Variants in CADM2 observed in about 807,000 individuals in gnomAD.
The protein encoded by CADM2 is immunoglobulin superfamily member 4D.
In CADM2, 12 loss-of-function variants were observed where a neutral mutation model predicts 49.8. The ratio of observed to expected loss-of-function variants is 0.24; its 90% CI spans 0.15 to 0.39. The LOEUF (loss-of-function observed/expected upper bound fraction) is 0.39, where lower values mean the gene tolerates loss of function less well. CADM2 is among the 10% of genes least tolerant of loss of function. CADM2 has a pLI of 1.00. For synonymous variants in CADM2, 214 were observed against 175.4 expected (o/e 1.22, Z -1.74); for missense variants, 378 against 492.3 (o/e 0.77, Z 2.20).
At chr3:85,045,198 G>A (rs949468896) in intron 1 of CADM2, among the ~76,000 whole-genome samples, 2 of 152,116 alleles carry the variant, frequency 1.3e-5, no homozygotes, top group African/African-American at 4.8e-5. Context: ...AAATCCTGAA[G>A]CTGAATATGC....
At chr3:85,025,513 A>G (rs2034685979) in intron 1 of CADM2, among the ~76,000 whole-genome samples, 1 of 152,208 alleles carries the variant, frequency 6.6e-6, no homozygotes, top group African/African-American at 2.4e-5. Flanking sequence ...AAACTATATT[A>G]CATTCAACTG....
chr3:86,056,160 T>C (rs892463745), intron 8 of CADM2, among the ~76,000 whole-genome samples: 5 of 152,208 alleles, frequency 3.3e-5, no homozygotes, highest in Non-Finnish European at 7.3e-5. Flanking sequence ...TCTCTCACTT[T>C]ATGAATGTCA....
At chr3:85,081,466 A>G (rs1220420776) in intron 1 of CADM2, among the ~76,000 whole-genome samples, 6 of 152,208 alleles carry the variant, frequency 3.9e-5, no homozygotes, top group Admixed American at 6.6e-5. Context: ...GTTTATACCA[A>G]GTATAAGATT....
intron 1 of CADM2, among the ~76,000 whole-genome samples, chr3:85,384,238 TC>T (rs1158773613): frequency 2.0e-5 from 3 of 152,210 alleles, no homozygotes; most frequent in Non-Finnish European, 4.4e-5. Flanking sequence ...TATCCATATA[TC>T]TTATAGAATG....
intron 3 of CADM2, among the ~76,000 whole-genome samples, chr3:85,844,078 T>C (rs1219845909): frequency 1.3e-5 from 2 of 152,128 alleles, no homozygotes; most frequent in African/African-American, 2.4e-5. Context: ...TTCTAAGCTT[T>C]AGTTTTCTCA....
intron 1 of CADM2, among the ~76,000 whole-genome samples, chr3:85,659,590 C>A (rs2065335696): frequency 6.6e-6 from 1 of 152,240 alleles, no homozygotes; most frequent in African/African-American, 2.4e-5. Flanking sequence ...GATCTCCTTT[C>A]ATTCAGAATT....
At chr3:84,960,720 G>A (rs2030429043) in intron 1 of CADM2, among the ~76,000 whole-genome samples, 1 of 152,144 alleles carries the variant, frequency 6.6e-6, no homozygotes, top group Admixed American at 6.5e-5. Context: ...AGGAATCTGG[G>A]TTCACTTTTC....
intron 1 of CADM2, among the ~76,000 whole-genome samples, chr3:85,652,620 T>G (rs544661043): frequency 1.3e-5 from 2 of 152,024 alleles, no homozygotes; most frequent in East Asian, 3.9e-4. Flanking sequence ...GGTCATGGAA[T>G]AGCAAAGAGA....
At chr3:85,395,628 T>C (rs1247394873) in intron 1 of CADM2, among the ~76,000 whole-genome samples, 2 of 152,066 alleles carry the variant, frequency 1.3e-5, no homozygotes, top group Non-Finnish European at 2.9e-5. Context: ...TGGGAATATA[T>C]AAACTGTTCA....
chr3:85,971,208 C>T (rs1213447869), intron 8 of CADM2, among the ~76,000 whole-genome samples: 1 of 151,464 alleles, frequency 6.6e-6, no homozygotes, highest in Admixed American at 6.6e-5. Flanking sequence ...GAATCTGAAC[C>T]AACGCCCTTA....
chr3:85,939,897 A>C (rs1372585644), intron 7 of CADM2, among the ~76,000 whole-genome samples: 1 of 150,452 alleles, frequency 6.6e-6, no homozygotes, highest in African/African-American at 2.5e-5. Context: ...ACTATATAGC[A>C]ACTAGTGAGG....
At chr3:85,848,724 ACC>A (rs1418243599) in intron 3 of CADM2, among the ~76,000 whole-genome samples, 1 of 152,148 alleles carries the variant, frequency 6.6e-6, no homozygotes, top group Non-Finnish European at 1.5e-5. Flanking sequence ...TTTTCCCTGA[ACC>A]CGAATTTAAG....
At chr3:85,448,943 T>A (rs113780408) in intron 1 of CADM2, among the ~76,000 whole-genome samples, 2,987 of 151,122 alleles carry the variant, frequency 0.02, 86 homozygotes, top group African/African-American at 0.067. Context: ...CCAGCTACGT[T>A]GGTGGCTGAG....
chr3:85,860,312 A>G (rs1158428015), intron 3 of CADM2, among the ~76,000 whole-genome samples: 3 of 152,192 alleles, frequency 2.0e-5, no homozygotes, highest in South Asian at 4.1e-4. Flanking sequence ...CATGGAGGCT[A>G]CAGACTATTG....
intron 1 of CADM2, among the ~76,000 whole-genome samples, chr3:85,531,077 A>C (rs1230650774): frequency 6.6e-6 from 1 of 152,238 alleles, no homozygotes; most frequent in South Asian, 2.1e-4. Flanking sequence ...GTTTCCATTC[A>C]CGACTTAGCA....
At chr3:85,181,771 CTTA>C (rs1313655845) in intron 1 of CADM2, among the ~76,000 whole-genome samples, 1 of 150,686 alleles carries the variant, frequency 6.6e-6, no homozygotes, top group Non-Finnish European at 1.5e-5. Flanking sequence ...AATAATTTCC[CTTA>C]TTATACCTTA....
chr3:86,025,740 A>G (rs1256982418), intron 8 of CADM2, among the ~76,000 whole-genome samples: 2 of 152,188 alleles, frequency 1.3e-5, no homozygotes, highest in Admixed American at 1.3e-4. Flanking sequence ...CTTTTATTGC[A>G]CAATCATTTT....
chr3:86,017,776 G>A (rs1339327392), intron 8 of CADM2, among the ~76,000 whole-genome samples: 4 of 149,548 alleles, frequency 2.7e-5, no homozygotes, highest in South Asian at 2.1e-4. Context: ...TTTCTTTTGT[G>A]TGCTAAATTG....
intron 1 of CADM2, among the ~76,000 whole-genome samples, chr3:85,720,150 G>A (rs558791588): frequency 1.3e-5 from 2 of 152,218 alleles, no homozygotes; most frequent in Admixed American, 6.5e-5. Flanking sequence ...GAACCAAATG[G>A]CAAAATTGTG....
Sources: gnomAD v4.1 joint callset for allele counts (sites outside exome capture counted in the v4.1 genomes callset) on GRCh38, gnomAD v4.1.1 for gene constraint, MANE v1.5 for transcripts, NCBI Gene and HGNC (gene_info 2026-07-23, HGNC 2026-07-21) for gene names.